Variants in NTNG1 observed in about 807,000 individuals in gnomAD.
NTNG1 encodes netrin G1.
In NTNG1, 16 loss-of-function variants were observed where a neutral mutation model predicts 54.0. That is an observed-to-expected ratio of 0.30 (90% CI 0.20 to 0.45). The LOEUF (loss-of-function observed/expected upper bound fraction) is 0.45. NTNG1 is among the 20% of genes least tolerant of loss of function. NTNG1 has a pLI of 1.00. For missense variants in NTNG1, 530 were observed against 678.7 expected, an observed-to-expected ratio of 0.78 and a Z score of 2.43; for synonymous variants, 255 against 263.1, an observed-to-expected ratio of 0.97 and a Z score of 0.30.
Position 107,151,608 on chromosome 1 carries a change from C to T in NTNG1, c.246+2769C>T, listed in dbSNP as rs74108065. On this transcript the variant is annotated intron_variant, in intron 2 of 7. Coordinates refer to ENST00000370068, the MANE Select transcript of NTNG1 (RefSeq NM_001113226.3). ...CTGTGGCTATAGCTGTTCTGAGCAT[C>T]GAGGGAACATGTGCTGAGAGAAATA... is the stretch of plus-strand genomic sequence containing the variant. Among the ~76,000 whole-genome samples the T allele has an allele frequency of 3.2e-3, 491 of 152,204 alleles. 4 individuals are homozygous for T. Among genetic ancestry groups the T allele is most frequent in the African/African-American group, 0.011 (469 of 41,518 alleles).
At chr1:107,398,955 C>T (rs1265733067) in intron 4 of NTNG1, among the ~76,000 whole-genome samples, 1 of 152,106 alleles carries the variant, frequency 6.6e-6, no homozygotes, top group East Asian at 1.9e-4. Flanking sequence ...TGGAATAACA[C>T]ATGTTTTTCT....
At chr1:107,280,188 G>A (rs550818660) in intron 2 of NTNG1, among the ~76,000 whole-genome samples, 181 of 49,964 alleles carry the variant, frequency 3.6e-3, no homozygotes, top group African/African-American at 0.015. Flanking sequence ...CACTGTTTTG[G>A]TTATTCTATA....
chr1:107,440,440 C>T (rs886474911), intron 7 of NTNG1, among the ~76,000 whole-genome samples: 4 of 152,074 alleles, frequency 2.6e-5, no homozygotes, highest in South Asian at 2.1e-4. Context: ...TTACTTGGCC[C>T]GTCTAAGCCT....
intron 7 of NTNG1, among the ~76,000 whole-genome samples, chr1:107,453,102 T>C (rs1489278086): frequency 2.0e-5 from 3 of 152,244 alleles, no homozygotes; most frequent in Non-Finnish European, 2.9e-5. Flanking sequence ...ACACTGAGAC[T>C]GTTCGGTGTC....
chr1:107,359,164 G>T (rs1427723509), intron 3 of NTNG1, among the ~76,000 whole-genome samples: 1 of 152,112 alleles, frequency 6.6e-6, no homozygotes, highest in African/African-American at 2.4e-5. Context: ...TGACTTCTGT[G>T]GTCACTGATG....
At chr1:107,271,364 C>T (rs912497892) in intron 2 of NTNG1, among the ~76,000 whole-genome samples, 1 of 152,126 alleles carries the variant, frequency 6.6e-6, no homozygotes, top group African/African-American at 2.4e-5. Flanking sequence ...TCAAGTCTAA[C>T]CTAAGCAAAT....
intron 7 of NTNG1, among the ~76,000 whole-genome samples, chr1:107,456,545 T>C (rs1676968299): frequency 6.6e-6 from 1 of 152,160 alleles, no homozygotes; most frequent in African/African-American, 2.4e-5. Flanking sequence ...CAGAATCAAG[T>C]AGAACCCTTG....
intron 2 of NTNG1, among the ~76,000 whole-genome samples, chr1:107,152,191 T>C (rs72979541): frequency 0.047 from 7,122 of 152,238 alleles, 214 homozygotes; most frequent in African/African-American, 0.083. Flanking sequence ...ATCTCTGTTT[T>C]TGTCAATGGG....
intron 2 of NTNG1, among the ~76,000 whole-genome samples, chr1:107,160,908 C>T (rs61800177): frequency 0.12 from 17,490 of 152,044 alleles, 1,320 homozygotes; most frequent in South Asian, 0.18. Flanking sequence ...TGAAATGCAT[C>T]CTCTGAATTT....
chr1:107,372,269 A>G (rs1670965685), intron 3 of NTNG1, among the ~76,000 whole-genome samples: 2 of 151,972 alleles, frequency 1.3e-5, no homozygotes, highest in African/African-American at 4.8e-5. Context: ...GAAGGTGAGG[A>G]AATTGATTTG....
At position 107,461,218 on chromosome 1, in the gene NTNG1, AG is replaced by A. The variant is rs1479478259; in HGVS notation, c.1391-19392del. 3.9e-5 allele frequency among the ~76,000 whole-genome samples: 6 copies of A among 152,342 alleles called. No homozygotes were observed. In the East Asian group the frequency reaches 1.2e-3, roughly 29 times the overall value. ...ATGGAAAACAGGGAAAGAAATAAAC[AG>A]TGGGCAAAGACCACTGTAGACTGAA... On this transcript the variant is annotated intron_variant, in intron 7 of 7. Transcript: ENST00000370068.
At chr1:107,205,084 T>C (rs1172313127) in intron 2 of NTNG1, among the ~76,000 whole-genome samples, 2 of 152,204 alleles carry the variant, frequency 1.3e-5, no homozygotes, top group African/African-American at 4.8e-5. Flanking sequence ...ACTAGGACTT[T>C]GACCCCAGAA....
chr1:107,378,473 A>G (rs1253442146), intron 3 of NTNG1, among the ~76,000 whole-genome samples: 1 of 152,182 alleles, frequency 6.6e-6, no homozygotes, highest in Non-Finnish European at 1.5e-5. Context: ...ATGGATACAC[A>G]TTGGTCTTGG....
intron 3 of NTNG1, among the ~76,000 whole-genome samples, chr1:107,376,389 C>CA (rs1336941365): frequency 6.9e-6 from 1 of 144,168 alleles, no homozygotes; most frequent in East Asian, 2.0e-4. Flanking sequence ...GCCTGGGTGA[C>CA]AGAGTGAGAC....
chr1:107,409,683 C>T (rs1228211906), intron 5 of NTNG1: 1 of 152,096 alleles, frequency 6.6e-6, no homozygotes, highest in East Asian at 1.9e-4. Flanking sequence ...TTTGGACTCT[C>T]CCTTCAATAT....
At chr1:107,428,936 C>T (rs1175601491) in intron 5 of NTNG1, among the ~76,000 whole-genome samples, 1 of 152,038 alleles carries the variant, frequency 6.6e-6, no homozygotes, top group Non-Finnish European at 1.5e-5. Context: ...GCCTTTACTA[C>T]TAAATTTATA....
intron 2 of NTNG1, among the ~76,000 whole-genome samples, chr1:107,187,974 A>G (rs1350270754): frequency 6.6e-6 from 1 of 152,126 alleles, no homozygotes; most frequent in African/African-American, 2.4e-5. Flanking sequence ...TGTTTGTTAG[A>G]TGTTTTATGC....
chr1:107,148,789 G>A lies in NTNG1; in HGVS notation c.196G>A (p.Asp66Asn), dbSNP rs779233583. The change falls in exon 2 of 8, where the codon GAT (aspartate) becomes AAT (asparagine). Residue 66 changes from aspartate (D) to asparagine (N), a missense_variant. Coordinates refer to ENST00000370068, the MANE Select transcript of NTNG1 (RefSeq NM_001113226.3). The part of the protein sequence containing the change: ...DMTKYLKVKL[D>N]PPDITCGDPP... Reference sequence around the variant, plus strand: ...GACAAAATATCTGAAAGTGAAACTCGATCCTCCGGATATTACCTGTGGAGA... The same window carrying A: ...GACAAAATATCTGAAAGTGAAACTCAATCCTCCGGATATTACCTGTGGAGA... The A allele has an allele frequency of 5.5e-5, 88 of 1,613,542 alleles. No individual in the cohort carries two copies. The highest frequency in any genetic ancestry group is 1.7e-4 in the Admixed American group (10 of 59,948).
chr1:107,237,039 C>G (rs1661462969), intron 2 of NTNG1, among the ~76,000 whole-genome samples: 1 of 152,152 alleles, frequency 6.6e-6, no homozygotes, highest in South Asian at 2.1e-4. Flanking sequence ...GTTTGGAGGG[C>G]TCAGAAGAAG....
Sources: allele counts gnomAD v4.1 joint callset (sites outside exome capture counted in the v4.1 genomes callset), GRCh38; gene constraint gnomAD v4.1.1; transcripts MANE v1.5; gene names NCBI Gene and HGNC (gene_info 2026-07-23, HGNC 2026-07-21).